Variants in THSD7B observed in about 807,000 individuals in gnomAD.
THSD7B encodes thrombospondin type 1 domain containing 7B.
THSD7B carries 138 observed loss-of-function variants against 213.6 expected under a neutral mutation model. The ratio of observed to expected loss-of-function variants is 0.65; its 90% CI spans 0.56 to 0.74. The LOEUF (loss-of-function observed/expected upper bound fraction) is 0.74. Among genes scored for constraint, THSD7B ranks in the 30% least tolerant of loss-of-function variants. The pLI, the probability that THSD7B is intolerant of heterozygous loss-of-function variation, is 0.00. For synonymous variants in THSD7B, 742 were observed against 687.0 expected (o/e 1.08, Z -1.25); for missense variants, 1,931 against 1,991.5 (o/e 0.97, Z 0.58).
At chr2:137,407,152 C>G (rs1476818865) in intron 13 of THSD7B, among the ~76,000 whole-genome samples, 1 of 151,898 alleles carries the variant, frequency 6.6e-6, no homozygotes, top group Non-Finnish European at 1.5e-5. Context: ...TATTGAAAAT[C>G]CTAGGATATT....
chr2:136,894,932 G>A (rs1375476885), intron 2 of THSD7B, among the ~76,000 whole-genome samples: 1 of 151,962 alleles, frequency 6.6e-6, no homozygotes, highest in Non-Finnish European at 1.5e-5. Flanking sequence ...TGTTTTCAAA[G>A]CAAGAGCTCT....
intron 2 of THSD7B, among the ~76,000 whole-genome samples, chr2:137,017,583 A>G (rs1686365847): frequency 6.6e-6 from 1 of 152,114 alleles, no homozygotes; most frequent in African/African-American, 2.4e-5. Flanking sequence ...GCAAATACAG[A>G]TGTAGAAACA....
intron 27 of THSD7B, among the ~76,000 whole-genome samples, chr2:137,675,914 G>T (rs114418119): frequency 1.1e-3 from 161 of 152,290 alleles, no homozygotes; most frequent in Middle Eastern, 3.4e-3. Flanking sequence ...CATATCTTGG[G>T]CATCACTGTG....
chr2:137,223,734 G>C (rs1006669132), intron 7 of THSD7B, among the ~76,000 whole-genome samples: 5 of 152,246 alleles, frequency 3.3e-5, no homozygotes, highest in African/African-American at 1.2e-4. Flanking sequence ...GATGTGGTTT[G>C]AATTTGTGAC....
At chr2:137,419,375 C>CTTTTTTTTTTTTTTTTTTTTTTTTTTTTT (rs1558791227) in intron 14 of THSD7B, among the ~76,000 whole-genome samples, 7 of 96,090 alleles carry the variant, frequency 7.3e-5, no homozygotes, top group Middle Eastern at 5.9e-3. Context: ...GTCCTGAGTT[C>CTTTTTTTTTTTTTTTTTTTTTTTTTTTTT]TTGTCCCACA....
chr2:136,920,758 G>A (rs1388197635), intron 2 of THSD7B, among the ~76,000 whole-genome samples: 1 of 151,926 alleles, frequency 6.6e-6, no homozygotes, highest in Non-Finnish European at 1.5e-5. Context: ...CTGTAGGCCT[G>A]CACCAAGCTG....
chr2:136,867,181 C>T (rs1683347350), intron 1 of THSD7B, among the ~76,000 whole-genome samples: 1 of 152,174 alleles, frequency 6.6e-6, no homozygotes, highest in African/African-American at 2.4e-5. Flanking sequence ...TTTGAAAATA[C>T]ATGTCTTTAA....
chr2:136,932,976 T>C (rs1684656013), intron 2 of THSD7B, among the ~76,000 whole-genome samples: 1 of 152,202 alleles, frequency 6.6e-6, no homozygotes, highest in South Asian at 2.1e-4. Flanking sequence ...AGATAAAGCA[T>C]GGGTGGCTTT....
chr2:137,161,916 A>T (rs1210187307), intron 6 of THSD7B, among the ~76,000 whole-genome samples: 1 of 152,186 alleles, frequency 6.6e-6, no homozygotes, highest in Non-Finnish European at 1.5e-5. Flanking sequence ...CCAGAAAATC[A>T]TGTGAGGTTG....
At chr2:137,599,492 G>T (rs1259201617) in intron 17 of THSD7B, among the ~76,000 whole-genome samples, 1 of 151,602 alleles carries the variant, frequency 6.6e-6, no homozygotes, top group Non-Finnish European at 1.5e-5. Flanking sequence ...AACAACAGGT[G>T]CTGGAGAGGA....
chr2:137,634,849 C>G (rs963201784), intron 20 of THSD7B, among the ~76,000 whole-genome samples: 1 of 152,152 alleles, frequency 6.6e-6, no homozygotes, highest in Non-Finnish European at 1.5e-5. Flanking sequence ...TTGACTACTG[C>G]CTAGTTCAGT....
chr2:137,078,462 C>A (rs1222067394), intron 3 of THSD7B, among the ~76,000 whole-genome samples: 1 of 152,058 alleles, frequency 6.6e-6, no homozygotes, highest in East Asian at 1.9e-4. Flanking sequence ...GAGTTCTAAC[C>A]CACACCATTT....
intron 15 of THSD7B, among the ~76,000 whole-genome samples, chr2:137,508,230 A>C (rs138129074): frequency 6.6e-6 from 1 of 151,912 alleles, no homozygotes; most frequent in Non-Finnish European, 1.5e-5. Context: ...TCTCTTTTTA[A>C]ATTTCTGGTT....
intron 3 of THSD7B, among the ~76,000 whole-genome samples, chr2:137,076,007 C>T (rs997535599): frequency 6.6e-6 from 1 of 152,168 alleles, no homozygotes; most frequent in Admixed American, 6.5e-5. Context: ...CTGGGGGGTG[C>T]CTCCCAGTTA....
chr2:137,249,982 A>C (rs1682134402), intron 10 of THSD7B, among the ~76,000 whole-genome samples: 1 of 152,208 alleles, frequency 6.6e-6, no homozygotes, highest in African/African-American at 2.4e-5. Context: ...TTCACAGATG[A>C]GGCAACACAC....
At chr2:137,352,900 T>TTA (rs1685044506) in intron 12 of THSD7B, among the ~76,000 whole-genome samples, 2 of 151,934 alleles carry the variant, frequency 1.3e-5, no homozygotes, top group Admixed American at 1.3e-4. Flanking sequence ...CATACATATA[T>TTA]TATATATATT....
At chr2:137,048,388 T>C (rs2104868776) in intron 2 of THSD7B, among the ~76,000 whole-genome samples, 1 of 152,306 alleles carries the variant, frequency 6.6e-6, no homozygotes, top group Non-Finnish European at 1.5e-5. Context: ...AAATGTTCTG[T>C]CCACCAAAAT....
At chr2:137,190,257 T>C (rs961166322) in intron 7 of THSD7B, among the ~76,000 whole-genome samples, 3 of 152,232 alleles carry the variant, frequency 2.0e-5, no homozygotes, top group Non-Finnish European at 2.9e-5. Flanking sequence ...TGAGACAATG[T>C]ATATGCCATG....
intron 17 of THSD7B, among the ~76,000 whole-genome samples, chr2:137,577,727 A>G (rs1681493470): frequency 6.6e-6 from 1 of 152,140 alleles, no homozygotes; most frequent in Admixed American, 6.6e-5. Context: ...AAATACTTCT[A>G]TATATCTTCC....
Sources: gnomAD v4.1 joint callset for allele counts (sites outside exome capture counted in the v4.1 genomes callset) on GRCh38, gnomAD v4.1.1 for gene constraint, MANE v1.5 for transcripts, NCBI Gene and HGNC (gene_info 2026-07-23, HGNC 2026-07-21) for gene names.